The following MCF2L variants were observed in gnomAD, a reference collection of about 807,000 sequenced individuals.
The protein encoded by MCF2L is MCF.2 cell line derived transforming sequence like.
MCF2L carries 97 observed loss-of-function variants against 153.4 expected under a neutral mutation model. That is an observed-to-expected ratio of 0.63 (90% CI 0.54 to 0.75). The LOEUF is 0.75. Ranked by LOEUF, MCF2L falls within the 30% of genes least tolerant of loss-of-function variation. MCF2L has a pLI of 0.00. For synonymous variants in MCF2L, 659 were observed against 632.2 expected (o/e 1.04, Z -0.64); for missense variants, 1,347 against 1,495.2 (o/e 0.90, Z 1.64).
intron 2 of MCF2L, 129 bp downstream of exon 2, chr13:113,014,975 C>A: frequency 1.3e-6 from 1 of 766,736 alleles, no homozygotes; most frequent in Non-Finnish European, 2.2e-6. Flanking sequence ...TATTCACTGC[C>A]TTGGGTCTGA....
chr13:113,021,146 ATG>A (rs1566748106), intron 2 of MCF2L, among the ~76,000 whole-genome samples: 2 of 152,104 alleles, frequency 1.3e-5, no homozygotes, highest in South Asian at 2.1e-4. Flanking sequence ...CTGTGTATAC[ATG>A]TGTGTGTAGG....
At chr13:112,968,098 TTCTC>T (rs533754876), upstream of MCF2L, 19 of 200,138 alleles carry the variant, frequency 9.5e-5, no homozygotes, top group South Asian at 2.4e-4. Flanking sequence ...CCTGCTGGAA[TTCTC>T]TCTCTCTCTC....
At chr13:113,005,489 G>C (rs879519913) in intron 1 of MCF2L, among the ~76,000 whole-genome samples, 5 of 152,136 alleles carry the variant, frequency 3.3e-5, no homozygotes, top group Non-Finnish European at 7.4e-5. Flanking sequence ...TGGCGTGTTT[G>C]TTGTGGCCAT....
rs751372396 is a variant in MCF2L at position 113,077,082 on chromosome 13, G to A, written c.1531G>A (p.Ala511Thr). Reference sequence around the variant, plus strand: ...CGTGCGAAAGGTCTTCCAGAAGCAGGCAAGCATGGAGGAGGTGTTCCACCG... The same window carrying A: ...CGTGCGAAAGGTCTTCCAGAAGCAGACAAGCATGGAGGAGGTGTTCCACCG... Reference protein sequence around the residue: ...EHVRKVFQKQASMEEVFHRRQ... With the variant: ...EHVRKVFQKQTSMEEVFHRRQ... Residue 511 changes from alanine (A) to threonine (T), a missense_variant, in exon 13 of 30, where the codon GCA (alanine) becomes ACA (threonine). Around this residue, in one of 3 missense-constraint regions of MCF2L, gnomAD observed 820 missense variants for 921.2 expected, o/e 0.89. Coordinates refer to ENST00000535094, the MANE Select transcript of MCF2L (RefSeq NM_001112732.3). 2.5e-6 allele frequency: 4 copies of A among 1,612,838 alleles called. No individual in the cohort carries two copies. The South Asian group carries it at 4.4e-5, about 18-fold the overall frequency.
At chr13:113,029,867 G>A (rs1237769940) in intron 3 of MCF2L, among the ~76,000 whole-genome samples, 2 of 152,222 alleles carry the variant, frequency 1.3e-5, no homozygotes, top group Admixed American at 6.5e-5. Flanking sequence ...GACCAGGCCT[G>A]TTCTTTCACA....
chr13:113,016,350 G>A (rs2084513187), intron 2 of MCF2L, among the ~76,000 whole-genome samples: 1 of 152,156 alleles, frequency 6.6e-6, no homozygotes, highest in Non-Finnish European at 1.5e-5. Context: ...CAGGACAAGA[G>A]CCGCCCCACG....
At position 113,098,526 on chromosome 13, in the gene MCF2L, G is replaced by A. The variant is rs956998110; in HGVS notation, c.*1667G>A. ...GTTCTTTATTGTATGGATGACGTTT[G>A]AATAAATATCAGCAACTCCTGCCAT... On this transcript the variant is annotated 3_prime_UTR_variant, in exon 30 of 30. Transcript: ENST00000535094. 1.3e-5 allele frequency: 2 copies of A among 152,266 alleles called. No individual in the cohort carries two copies. Among genetic ancestry groups the A allele is most frequent in the Non-Finnish European group, 2.9e-5 (2 of 68,056 alleles). 9.4% of individuals were successfully genotyped at this position (152,266 alleles called of 1,614,324 possible).
At position 113,096,556 on chromosome 13, in the gene MCF2L, C is replaced by A; in HGVS notation, c.3195C>A (p.Val1065=). The A allele has an allele frequency of 6.2e-7, 1 of 1,604,592 alleles. No individual in the cohort carries two copies. Residue 1065 remains valine, a synonymous_variant, in exon 29 of 30, where the codon GTC becomes GTA. Transcript: ENST00000535094. ...VQEGDEGLWY[V]RDPTTGKEGW... ...TGACCCTCGCCCCTTGCAGGTACGT[C>A]AGGGACCCGACCACTGGCAAGGAGG...
intron 3 of MCF2L, chr13:113,040,678 C>G (rs2086429029): frequency 1.3e-5 from 2 of 152,718 alleles, no homozygotes; most frequent in African/African-American, 4.8e-5. Context: ...TGCCCTGGGA[C>G]AAAGCATCCT....
chr13:113,038,262 G>T (rs182201916), intron 3 of MCF2L, among the ~76,000 whole-genome samples: 145 of 152,126 alleles, frequency 9.5e-4, no homozygotes, highest in African/African-American at 3.4e-3. Context: ...TCAGGAGATC[G>T]AGATCATCCT....
chr13:112,978,858 C>T (rs1594450327), intron 1 of MCF2L, among the ~76,000 whole-genome samples: 1 of 152,218 alleles, frequency 6.6e-6, no homozygotes, highest in Admixed American at 6.5e-5. Flanking sequence ...TTTGCACGGC[C>T]TTGCACATCA....
At chr13:113,043,388 G>C (rs1222118859) in intron 3 of MCF2L, 1 of 152,274 alleles carries the variant, frequency 6.6e-6, no homozygotes, top group East Asian at 1.9e-4. Flanking sequence ...TAGGAGGACT[G>C]GGACCCAGAG....
At chr13:113,093,937 T>C (rs2035431066) in intron 26 of MCF2L, 1 of 152,338 alleles carries the variant, frequency 6.6e-6, no homozygotes, top group South Asian at 2.1e-4. Context: ...GGGAGCTGCG[T>C]GGCCGATGGG....
chr13:113,022,391 G>A (rs973823414), intron 2 of MCF2L, among the ~76,000 whole-genome samples: 1 of 55,938 alleles, frequency 1.8e-5, no homozygotes, highest in African/African-American at 6.6e-5. Flanking sequence ...ACCCACCCCC[G>A]CCGGCCAGGG....
rs2081696439 is a variant in MCF2L at position 112,951,722 on chromosome 13, TAGAGA to T, written c.169+49352_169+49356del. 6.6e-6 allele frequency among the ~76,000 whole-genome samples: 1 copy of T among 152,010 alleles called. No homozygotes were observed. The highest frequency in any genetic ancestry group is 2.1e-4 in the South Asian group (1 of 4,814). On this transcript the variant is annotated intron_variant, in intron 2 of 29. Transcript: ENST00000375608. This position sits in a 1 kb window ranked among gnomAD's most constrained non-coding sequence, Gnocchi z 4.8. ...AGGGGCCACAAGAGGGTCCTGTGGG[TAGAGA>T]CAGCCCAGGTCTGGCTGCGTCATTG... is the stretch of plus-strand genomic sequence containing the variant.
chr13:112,987,590 T>C (rs1009111099), intron 1 of MCF2L, among the ~76,000 whole-genome samples: 5 of 152,288 alleles, frequency 3.3e-5, no homozygotes, highest in African/African-American at 4.8e-5. Context: ...GGTCTCGGCC[T>C]GCGCTGCATG....
intron 2 of MCF2L, among the ~76,000 whole-genome samples, chr13:113,022,372 C>G: frequency 6.7e-6 from 1 of 148,860 alleles, no homozygotes; most frequent in Admixed American, 6.8e-5. Flanking sequence ...GGAGCAGCTT[C>G]TCCCTCCCAC....
chr13:112,906,385 G>A (rs1057454515), intron 2 of MCF2L, among the ~76,000 whole-genome samples: 4 of 152,216 alleles, frequency 2.6e-5, no homozygotes, highest in Admixed American at 6.5e-5. Flanking sequence ...TGGGGAAGGC[G>A]TGGCCAGCAT....
At chr13:112,923,309 G>GC (rs1264499774) in intron 2 of MCF2L, among the ~76,000 whole-genome samples, 8 of 131,878 alleles carry the variant, frequency 6.1e-5, no homozygotes, top group Non-Finnish European at 1.5e-5. Flanking sequence ...TGTCACCCAG[G>GC]CTGGAGTACA....
Sources: allele counts gnomAD v4.1 joint callset (sites outside exome capture counted in the v4.1 genomes callset), GRCh38; gene constraint gnomAD v4.1.1; regional missense constraint gnomAD v4.1.1; non-coding constraint Gnocchi (gnomAD v3.1); transcripts MANE v1.5; gene names NCBI Gene and HGNC (gene_info 2026-07-23, HGNC 2026-07-21).